NTRK3: variants seen among roughly 807,000 people sequenced by gnomAD.
NTRK3 encodes the protein NT-3 growth factor receptor.
NTRK3 carries 24 observed loss-of-function variants against 91.7 expected under a neutral mutation model. That is an observed-to-expected ratio of 0.26 (90% CI 0.19 to 0.37). The LOEUF is 0.37. Ranked by LOEUF, NTRK3 falls within the 10% of genes least tolerant of loss-of-function variation. The pLI is 1.00. For missense variants in NTRK3, 880 were observed against 1,068.9 expected, an observed-to-expected ratio of 0.82 and a Z score of 2.46; for synonymous variants, 483 against 404.0, an observed-to-expected ratio of 1.20 and a Z score of -2.34.
intron 7 of NTRK3, 139 bp from the exon 8 acceptor site, chr15:88,136,748 C>A: frequency 9.7e-7 from 1 of 1,029,784 alleles, no homozygotes; most frequent in Non-Finnish European, 1.4e-6. Flanking sequence ...TCTTGGAAGA[C>A]CCGCAAATCC....
intron 17 of NTRK3, among the ~76,000 whole-genome samples, chr15:87,892,866 T>C (rs2065919522): frequency 6.6e-6 from 1 of 152,186 alleles, no homozygotes; most frequent in Non-Finnish European, 1.5e-5. Context: ...ACAGGAGCCA[T>C]GTAAAACTGA....
chr15:88,061,270 C>G (rs2046186473), intron 13 of NTRK3, among the ~76,000 whole-genome samples: 1 of 152,174 alleles, frequency 6.6e-6, no homozygotes, highest in Non-Finnish European at 1.5e-5. Flanking sequence ...GAAATCTGGA[C>G]TTGCAACAGG....
At chr15:88,033,176 T>TTA (rs149279639) in intron 13 of NTRK3, 131 bp from the exon 14 acceptor site, 4,074 of 194,956 alleles carry the variant, frequency 0.021, 160 homozygotes, top group Non-Finnish European at 0.024. Context: ...GGGGGGTGTG[T>TTA]TATATATATA....
intron 13 of NTRK3, among the ~76,000 whole-genome samples, chr15:88,042,869 T>C (rs1019023698): frequency 1.8e-4 from 28 of 152,184 alleles, no homozygotes; most frequent in African/African-American, 5.8e-4. Flanking sequence ...GGTAAACAGA[T>C]CCACGTCTAT....
chr15:87,860,478 ATT>A (rs5814309), exon 19 of NTRK3: 6,441 of 187,852 alleles, frequency 0.034, 2 homozygotes, highest in East Asian at 0.072. Context: ...TCAAGTTAGA[ATT>A]TTTTTTTTTT....
intron 3 of NTRK3, among the ~76,000 whole-genome samples, chr15:88,199,969 G>A (rs2048163426): frequency 6.6e-6 from 1 of 152,202 alleles, no homozygotes; most frequent in Non-Finnish European, 1.5e-5. Flanking sequence ...GGAGTCAGGG[G>A]AGTCAGAGCC....
chr15:88,066,990 C>T (rs1278527080), intron 13 of NTRK3, among the ~76,000 whole-genome samples: 4 of 152,214 alleles, frequency 2.6e-5, no homozygotes, highest in Admixed American at 2.0e-4. Flanking sequence ...AAAGGCTCAA[C>T]CTTGCCACAT....
At chr15:88,217,984 C>T (rs1248610129) in intron 3 of NTRK3, among the ~76,000 whole-genome samples, 1 of 152,022 alleles carries the variant, frequency 6.6e-6, no homozygotes, top group African/African-American at 2.4e-5. Flanking sequence ...TTTTTTAAGG[C>T]TCTTGTGCCC....
At chr15:87,941,915 T>A (rs914431861) in intron 14 of NTRK3, among the ~76,000 whole-genome samples, 2 of 152,250 alleles carry the variant, frequency 1.3e-5, no homozygotes, top group African/African-American at 4.8e-5. Flanking sequence ...ATTAAATACC[T>A]GTATTCACAT....
chr15:88,091,431 C>G (rs781754466), intron 13 of NTRK3, among the ~76,000 whole-genome samples: 7 of 152,218 alleles, frequency 4.6e-5, no homozygotes, highest in Admixed American at 2.0e-4. Flanking sequence ...CTTCACTTAT[C>G]GTTTCCTCTG....
At chr15:87,924,914 C>A (rs2068165464) in intron 17 of NTRK3, among the ~76,000 whole-genome samples, 1 of 152,156 alleles carries the variant, frequency 6.6e-6, no homozygotes, top group Non-Finnish European at 1.5e-5. Context: ...TCATTCCATT[C>A]CTCCCTGATC....
At chr15:88,090,393 G>A (rs1179935636) in intron 13 of NTRK3, among the ~76,000 whole-genome samples, 1 of 145,790 alleles carries the variant, frequency 6.9e-6, no homozygotes, top group Admixed American at 6.8e-5. Context: ...GAAGGAAGGA[G>A]AAAAGGAATG....
chr15:87,933,283 C>G (rs2068967377), intron 15 of NTRK3, 99 bp from the exon 16 acceptor site: 4 of 1,133,712 alleles, frequency 3.5e-6, no homozygotes, highest in Non-Finnish European at 3.9e-6. Flanking sequence ...CACTGGGTTA[C>G]CAATAAATAT....
intron 3 of NTRK3, among the ~76,000 whole-genome samples, chr15:88,202,501 G>A (rs568240330): frequency 5.9e-5 from 9 of 152,326 alleles, no homozygotes; most frequent in South Asian, 2.1e-4. Flanking sequence ...AAGCTGTCCC[G>A]TGCTCAGCTG....
intron 14 of NTRK3, among the ~76,000 whole-genome samples, chr15:88,018,640 C>T (rs1430521507): frequency 1.3e-5 from 2 of 152,286 alleles, no homozygotes; most frequent in South Asian, 2.1e-4. Flanking sequence ...ACAGTTTTGT[C>T]ATTTTCTAGC....
Position 87,925,319 on chromosome 15 carries a change from C to A in NTRK3, c.2133+3872G>T, listed in dbSNP as rs1173650551. ...CTTATGTATGAGCCAGATGGTGCCTCTTCGTTTTAACAAATTAAAAATGAA... is the reference window on the plus strand; with the variant it reads ...CTTATGTATGAGCCAGATGGTGCCTATTCGTTTTAACAAATTAAAAATGAA... On this transcript the variant is annotated intron_variant, in intron 17 of 18. Transcript: ENST00000394480. 3.3e-5 allele frequency among the ~76,000 whole-genome samples: 5 copies of A among 152,136 alleles called. No individual in the cohort carries two copies. In the East Asian group the frequency reaches 9.6e-4, roughly 29 times the overall value.
At chr15:88,029,733 T>C (rs1438393667) in intron 14 of NTRK3, among the ~76,000 whole-genome samples, 2 of 152,210 alleles carry the variant, frequency 1.3e-5, no homozygotes, top group Non-Finnish European at 2.9e-5. Flanking sequence ...ACACCATAAA[T>C]ACTCTCCACT....
At chr15:87,995,465 G>T (rs1244134477) in intron 14 of NTRK3, among the ~76,000 whole-genome samples, 1 of 152,128 alleles carries the variant, frequency 6.6e-6, no homozygotes, top group Non-Finnish European at 1.5e-5. Context: ...GTTATTCCTG[G>T]AATAAAGCAC....
chr15:87,912,931 A>AAAATATATATATATAT (rs1484111389), intron 17 of NTRK3, among the ~76,000 whole-genome samples: 24 of 36,464 alleles, frequency 6.6e-4, no homozygotes, highest in East Asian at 1.6e-3. Context: ...AGTAAAAAAA[A>AAAATATATATATATAT]ATATATATAT....
Sources: allele counts gnomAD v4.1 joint callset (sites outside exome capture counted in the v4.1 genomes callset), GRCh38; gene constraint gnomAD v4.1.1; transcripts MANE v1.5; gene names NCBI Gene and HGNC (gene_info 2026-07-23, HGNC 2026-07-21).